The following RPRD2 variants were observed in gnomAD, a reference collection of about 807,000 sequenced individuals.
RPRD2 encodes the protein regulation of nuclear pre-mRNA domain-containing protein 2.
A neutral mutation model predicts 104.4 loss-of-function variants in RPRD2; 12 were observed. The observed-to-expected ratio is 0.11, with a 90% CI of 0.07 to 0.19. The LOEUF (loss-of-function observed/expected upper bound fraction) is 0.19, where lower values mean the gene tolerates loss of function less well. Ranked by LOEUF, RPRD2 falls within the 10% of genes least tolerant of loss-of-function variation. The probability of loss-of-function intolerance (pLI) is 1.00; values close to 1 mark genes in which losing one functional copy is unlikely to be tolerated. For missense variants in RPRD2, 1,543 were observed against 1,790.1 expected (o/e 0.86, Z 2.49); for synonymous variants, 714 against 684.9 (o/e 1.04, Z -0.66).
At chr1:150,393,155 G>A (rs1662218003) in intron 1 of RPRD2, among the ~76,000 whole-genome samples, 1 of 151,944 alleles carries the variant, frequency 6.6e-6, no homozygotes, top group Non-Finnish European at 1.5e-5. Flanking sequence ...GAATAAAGAC[G>A]TTAAGACCCA....
Position 150,472,166 on chromosome 1 carries a change from A to G in RPRD2, c.3218A>G (p.Asp1073Gly). ...IETRVSSSCL[D>G]LPDSTEEKGA... is the part of the protein sequence containing the mutation. ...ACCCGCGTCTCCTCCTCCTGCTTAG[A>G]CTTGCCTGATAGCACAGAAGAAAAG... Residue 1073 changes from aspartate (D) to glycine (G), a missense_variant, in exon 11 of 11, where the codon GAC becomes GGC. Around this residue, in one of 4 missense-constraint regions of RPRD2, gnomAD observed 880 missense variants for 885.6 expected, o/e 0.99. Transcript: ENST00000369068. 1 of 1,613,782 alleles carries G rather than the reference A, an allele frequency of 6.2e-7. No individual in the cohort carries two copies. Among genetic ancestry groups the G allele is most frequent in the Admixed American group, 1.7e-5 (1 of 60,012 alleles).
At chr1:150,385,816 A>G (rs1329379146) in intron 1 of RPRD2, among the ~76,000 whole-genome samples, 2 of 152,206 alleles carry the variant, frequency 1.3e-5, no homozygotes, top group African/African-American at 4.8e-5. Context: ...CTTGACTAAG[A>G]TGCCCTAATA....
In RPRD2 at chr1:150,470,649, C is replaced by T. The variant is rs1258890987; in HGVS notation, c.1701C>T (p.Asn567=). ...AGAGCACTTCAGCCTCCCCTGCCAA[C>T]ACCACAGTCTCTACCATAAAGGGAA... ...ASQSTSASPA[N]TTVSTIKGRN... Residue 567 remains asparagine, a synonymous_variant, in exon 11 of 11, where the codon AAC becomes AAT. Transcript: ENST00000369068. 15 of 1,613,916 alleles carry T rather than the reference C, an allele frequency of 9.3e-6. No individual in the cohort carries two copies. The East Asian group carries it at 2.9e-4, about 31-fold the overall frequency.
In RPRD2 at chr1:150,364,678, C is replaced by A. The variant is rs1371119938; in HGVS notation, c.-37C>A. On this transcript the variant is annotated 5_prime_UTR_variant, in exon 1 of 11. Coordinates refer to ENST00000369068, the MANE Select transcript of RPRD2 (RefSeq NM_015203.5). The stretch of plus-strand genomic sequence containing the variant: ...CTCCCGCCGCCGCCGCCGCCGCCGC[C>A]GCCAGAGGAGCAGCAGCGCTTGTGC... 4.7e-6 allele frequency: 6 copies of A among 1,285,584 alleles called. No individual in the cohort carries two copies. Among genetic ancestry groups the A allele is most frequent in the South Asian group, 4.1e-5 (3 of 73,402 alleles). 79.6% of individuals were successfully genotyped at this position (1,285,584 alleles called of 1,614,324 possible).
chr1:150,435,119 C>T (rs1245883312), intron 2 of RPRD2, among the ~76,000 whole-genome samples: 4 of 152,082 alleles, frequency 2.6e-5, no homozygotes, highest in East Asian at 1.9e-4. Context: ...CTGTGATCAG[C>T]GATGTTACTA....
intron 1 of RPRD2, among the ~76,000 whole-genome samples, chr1:150,368,285 T>A (rs984396369): frequency 2.0e-5 from 3 of 149,724 alleles, no homozygotes; most frequent in African/African-American, 7.3e-5. Context: ...TTATTTTAAA[T>A]TAATTTAATT....
chr1:150,388,368 G>GTATATATGTA (rs1197163000), intron 1 of RPRD2, among the ~76,000 whole-genome samples: 11 of 117,748 alleles, frequency 9.3e-5, no homozygotes, highest in Non-Finnish European at 1.9e-4. Flanking sequence ...ATATATACAT[G>GTATATATGTA]TATACACATA....
At chr1:150,447,699 C>T (rs1666878610) in intron 7 of RPRD2, among the ~76,000 whole-genome samples, 1 of 152,112 alleles carries the variant, frequency 6.6e-6, no homozygotes, top group African/African-American at 2.4e-5. Context: ...GTCTAATGAC[C>T]TCTGAAAGAA....
intron 1 of RPRD2, among the ~76,000 whole-genome samples, chr1:150,413,892 T>C (rs1553888097): frequency 3.3e-5 from 5 of 150,642 alleles, no homozygotes; most frequent in Non-Finnish European, 7.4e-5. Flanking sequence ...GCCATTGCGC[T>C]CCAGCCTGGG....
chr1:150,422,298 C>G (rs1553889783), intron 2 of RPRD2, among the ~76,000 whole-genome samples: 1 of 149,278 alleles, frequency 6.7e-6, no homozygotes, highest in African/African-American at 2.5e-5. Context: ...GAGCCGAGAT[C>G]ATGCCACTAC....
chr1:150,464,252 G>A (rs1168207958), intron 9 of RPRD2, among the ~76,000 whole-genome samples: 1 of 151,722 alleles, frequency 6.6e-6, no homozygotes, highest in African/African-American at 2.4e-5. Flanking sequence ...CAGGTGATCC[G>A]CCTGCCTCGG....
chr1:150,366,244 C>G (rs145206018), intron 1 of RPRD2, among the ~76,000 whole-genome samples: 20 of 152,348 alleles, frequency 1.3e-4, no homozygotes, highest in African/African-American at 4.8e-4. Flanking sequence ...AGTTATTCTG[C>G]CTTATTCCAC....
At chr1:150,459,550 T>C (rs1553898310) in intron 8 of RPRD2, among the ~76,000 whole-genome samples, 1 of 151,178 alleles carries the variant, frequency 6.6e-6, no homozygotes, top group Non-Finnish European at 1.5e-5. Flanking sequence ...TGCAAAGGAA[T>C]CATTGAAAAG....
At position 150,364,648 on chromosome 1, in the gene RPRD2, GCCCGCT is replaced by G; in HGVS notation, c.-61_-56del. 3.7e-6 allele frequency: 3 copies of G among 801,490 alleles called. No individual in the cohort carries two copies. The highest frequency in any genetic ancestry group is 5.9e-6 in the Non-Finnish European group (3 of 505,482). The allele number at this position is 801,490 out of a possible 1,614,324, so 49.6% of individuals were successfully genotyped here. A position where few individuals can be genotyped will look rare whatever the true frequency, so the allele number is the denominator to read the frequency against. The stretch of plus-strand genomic sequence containing the variant: ...TTCACGCACTCGCAGTGATTGTTTT[GCCCGCT>G]CCCGCCGCCGCCGCCGCCGCCGCCG... On this transcript the variant is annotated 5_prime_UTR_variant, in exon 1 of 11. Transcript: ENST00000369068.
At chr1:150,431,867 A>G (rs1049919952) in intron 2 of RPRD2, among the ~76,000 whole-genome samples, 3 of 152,162 alleles carry the variant, frequency 2.0e-5, no homozygotes, top group Non-Finnish European at 4.4e-5. Flanking sequence ...TCACAAAAAG[A>G]CAAGTATTAT....
intron 2 of RPRD2, among the ~76,000 whole-genome samples, 197 bp downstream of exon 2, chr1:150,417,922 CTT>C (rs1553888902): frequency 2.7e-5 from 4 of 149,944 alleles, no homozygotes; most frequent in African/African-American, 1.0e-4. Flanking sequence ...CTCTCTCTCT[CTT>C]TCTTTCTTTC....
intron 3 of RPRD2, 38 bp downstream of exon 3, chr1:150,441,061 G>C: frequency 9.6e-7 from 1 of 1,046,926 alleles, no homozygotes; most frequent in Non-Finnish European, 1.4e-6. Context: ...AAATTTTTGA[G>C]TCAGTCTTTA....
At chr1:150,467,994 A>C (rs1668384860) in intron 10 of RPRD2, among the ~76,000 whole-genome samples, 1 of 150,456 alleles carries the variant, frequency 6.6e-6, no homozygotes, top group African/African-American at 2.4e-5. Flanking sequence ...CTGTCTTTCC[A>C]AAAAAAAATA....
intron 1 of RPRD2, among the ~76,000 whole-genome samples, chr1:150,372,111 G>T (rs1660353974): frequency 6.6e-6 from 1 of 152,072 alleles, no homozygotes; most frequent in African/African-American, 2.4e-5. Flanking sequence ...ATTGCCATAG[G>T]CATACAGCTT....
Sources: gnomAD v4.1 joint callset for allele counts (sites outside exome capture counted in the v4.1 genomes callset) on GRCh38, gnomAD v4.1.1 for gene constraint, gnomAD v4.1.1 regional missense constraint, MANE v1.5 for transcripts, NCBI Gene and HGNC (gene_info 2026-07-23, HGNC 2026-07-21) for gene names.